The following MYO18B variants were observed in gnomAD, a reference collection of about 807,000 sequenced individuals.
MYO18B encodes unconventional myosin-XVIIIb.
In MYO18B, 204 loss-of-function variants were observed where a neutral mutation model predicts 273.0. That is an observed-to-expected ratio of 0.75 (90% CI 0.67 to 0.84). The LOEUF is 0.84. MYO18B is among the 40% of genes least tolerant of loss of function. The pLI is 0.00. For missense variants in MYO18B, 3,212 were observed against 3,287.6 expected, an observed-to-expected ratio of 0.98 and a Z score of 0.56; for synonymous variants, 1,330 against 1,305.7, an observed-to-expected ratio of 1.02 and a Z score of -0.40.
At chr22:25,753,625 C>T (rs1278752206) in intron 1 of MYO18B, among the ~76,000 whole-genome samples, 1 of 152,202 alleles carries the variant, frequency 6.6e-6, no homozygotes, top group Non-Finnish European at 1.5e-5. Context: ...AGCTGTAACA[C>T]TCACCGCAAA....
intron 38 of MYO18B, 50 bp downstream of exon 38, chr22:25,952,473 T>G (rs533576175): frequency 5.6e-6 from 9 of 1,602,336 alleles, no homozygotes; most frequent in East Asian, 4.5e-5. Context: ...GGGAGAGCTT[T>G]TGTGTAAGCT....
intron 29 of MYO18B, chr22:25,899,847 A>G (rs2091895458): frequency 6.6e-6 from 1 of 152,246 alleles, no homozygotes; most frequent in Admixed American, 6.5e-5. Flanking sequence ...TTAACAGGTC[A>G]TCTGATCTGG....
intron 11 of MYO18B, among the ~76,000 whole-genome samples, chr22:25,791,866 G>C (rs1448497649): frequency 6.6e-6 from 1 of 152,218 alleles, no homozygotes. Context: ...GATCATATCT[G>C]TTTTTCAGAA....
intron 34 of MYO18B, among the ~76,000 whole-genome samples, chr22:25,936,595 G>A (rs2092581318): frequency 6.6e-6 from 1 of 152,112 alleles, no homozygotes; most frequent in South Asian, 2.1e-4. Flanking sequence ...AATGTTACAT[G>A]TTATAAATTA....
chr22:25,760,429 A>C (rs1392665022), intron 1 of MYO18B, among the ~76,000 whole-genome samples: 3 of 149,902 alleles, frequency 2.0e-5, no homozygotes, highest in Admixed American at 1.3e-4. Flanking sequence ...AAAAAAAAAA[A>C]AAAAACACAA....
At chr22:25,967,871 A>G (rs1045353568) in intron 39 of MYO18B, among the ~76,000 whole-genome samples, 1 of 152,188 alleles carries the variant, frequency 6.6e-6, no homozygotes, top group Non-Finnish European at 1.5e-5. Context: ...TCTCTTCCCA[A>G]TTCCATGCTC....
At chr22:26,056,091 G>T in the MYO18B span, among the ~76,000 whole-genome samples, 1 of 152,142 alleles carries the variant, frequency 6.6e-6, no homozygotes, top group Non-Finnish European at 1.5e-5. Flanking sequence ...TTGACCAGAT[G>T]AATAAATAGT....
chr22:25,759,776 C>CT (rs368380734), intron 1 of MYO18B, among the ~76,000 whole-genome samples: 3 of 152,132 alleles, frequency 2.0e-5, no homozygotes, highest in Admixed American at 6.5e-5. Flanking sequence ...GCTAAACACT[C>CT]TTTTTTTGAT....
intron 39 of MYO18B, among the ~76,000 whole-genome samples, chr22:25,980,521 A>G (rs574450900): frequency 6.6e-6 from 1 of 152,140 alleles, no homozygotes; most frequent in African/African-American, 2.4e-5. Context: ...TCTGCCTTTA[A>G]TATACAAGTG....
At position 25,874,385 on chromosome 22, in the gene MYO18B, C is replaced by G; in HGVS notation, c.4051C>G (p.Leu1351Val). Residue 1351 changes from leucine (L) to valine (V), a missense_variant, in exon 23 of 44, where the codon CTG (leucine) becomes GTG (valine). Transcript: ENST00000335473. ...CTTCCAGGCGGCTTGCAAGGGCTTT[C>G]TGTCTCGCCAGGAATTCAAGAAGCT... ...VLFQAACKGF[L>V]SRQEFKKLKI... 1 of 1,613,958 alleles carries G rather than the reference C, an allele frequency of 6.2e-7. No homozygotes were observed. Among genetic ancestry groups the G allele is most frequent in the Non-Finnish European group, 8.5e-7 (1 of 1,179,858 alleles).
At chr22:25,869,088 T>C (rs2090972734) in intron 22 of MYO18B, among the ~76,000 whole-genome samples, 1 of 152,004 alleles carries the variant, frequency 6.6e-6, no homozygotes, top group African/African-American at 2.4e-5. Flanking sequence ...GTTTGGGAAG[T>C]GGGGCACGGA....
At chr22:26,059,747 TG>T in the MYO18B span, among the ~76,000 whole-genome samples, 1 of 152,218 alleles carries the variant, frequency 6.6e-6, no homozygotes, top group Non-Finnish European at 1.5e-5. Flanking sequence ...GCCTCTGCAA[TG>T]AGAGATCAGC....
At chr22:25,950,317 G>A in intron 36 of MYO18B, 50 bp from the exon 37 acceptor site, 2 of 1,493,290 alleles carry the variant, frequency 1.3e-6, no homozygotes, top group East Asian at 5.0e-5. Flanking sequence ...TCCCAGCAAG[G>A]CTTGTGGACT....
intron 19 of MYO18B, among the ~76,000 whole-genome samples, chr22:25,846,571 C>G (rs1181951394): frequency 6.6e-6 from 1 of 152,208 alleles, no homozygotes; most frequent in Non-Finnish European, 1.5e-5. Flanking sequence ...TGAATGCCCT[C>G]TTGACTCCAG....
chr22:26,060,927 A>G, the MYO18B span, among the ~76,000 whole-genome samples: 17 of 152,140 alleles, frequency 1.1e-4, no homozygotes, highest in Non-Finnish European at 1.2e-4. Context: ...ATACACACAT[A>G]CATTCACACA....
chr22:25,933,357 T>C (rs1428723532), intron 34 of MYO18B, among the ~76,000 whole-genome samples: 7 of 152,166 alleles, frequency 4.6e-5, no homozygotes, highest in Non-Finnish European at 8.8e-5. Context: ...ACCCTCCACC[T>C]GGCCTTTGCA....
chr22:25,874,424 G>A lies in MYO18B; in HGVS notation c.4080+10G>A. 1 of 1,611,166 alleles carries A rather than the reference G, an allele frequency of 6.2e-7. No individual in the cohort carries two copies. Among genetic ancestry groups the A allele is most frequent in the South Asian group, 1.1e-5 (1 of 90,718 alleles). On this transcript the variant is annotated intron_variant, in intron 23 of 43. Coordinates refer to ENST00000335473, the MANE Select transcript of MYO18B (RefSeq NM_032608.7). ...ATTCAAGAAGCTGAAGGTACTGCATGCCGTTCCCATGAGGAGTCTGATCCA... is the reference window on the plus strand; with the variant it reads ...ATTCAAGAAGCTGAAGGTACTGCATACCGTTCCCATGAGGAGTCTGATCCA...
chr22:26,061,192 T>C, the MYO18B span, among the ~76,000 whole-genome samples: 1 of 152,226 alleles, frequency 6.6e-6, no homozygotes, highest in African/African-American at 2.4e-5. Context: ...CTTCCTGCTG[T>C]ACTGTTCTCT....
At chr22:25,829,054 A>C (rs964401748) in intron 15 of MYO18B, 86 bp downstream of exon 15, 15 of 1,399,062 alleles carry the variant, frequency 1.1e-5, no homozygotes, top group African/African-American at 1.4e-5. Context: ...CCCATTCCCC[A>C]GGAGCCTGCA....
Sources: gnomAD v4.1 joint callset for allele counts (sites outside exome capture counted in the v4.1 genomes callset) on GRCh38, gnomAD v4.1.1 for gene constraint, MANE v1.5 for transcripts, NCBI Gene and HGNC (gene_info 2026-07-23, HGNC 2026-07-21) for gene names.